Variants in NCOR2 observed in about 807,000 individuals in gnomAD.
The protein encoded by NCOR2 is CTG repeat protein 26.
In NCOR2, 81 loss-of-function variants were observed where a neutral mutation model predicts 262.9. That is an observed-to-expected ratio of 0.31 (90% CI 0.26 to 0.37). NCOR2 has a LOEUF of 0.37. NCOR2 is among the 10% of genes least tolerant of loss of function. The pLI, the probability that NCOR2 is intolerant of heterozygous loss-of-function variation, is 1.00. For synonymous variants in NCOR2, 1,659 were observed against 1,559.3 expected (o/e 1.06, Z -1.51); for missense variants, 3,385 against 3,621.4 (o/e 0.93, Z 1.68).
intron 24 of NCOR2, 102 bp downstream of exon 26, chr12:124,355,330 G>T: frequency 7.0e-7 from 1 of 1,418,502 alleles, no homozygotes; most frequent in Non-Finnish European, 9.6e-7. Flanking sequence ...GATGACCCAG[G>T]CCCCCGAGAG....
At chr12:124,462,600 C>G (rs142315315) in intron 5 of NCOR2, among the ~76,000 whole-genome samples, 176 of 152,290 alleles carry the variant, frequency 1.2e-3, no homozygotes, top group Non-Finnish European at 2.2e-3. Context: ...TTTTGATGAC[C>G]AGGTGGCCGG....
At chr12:124,377,208 C>T (rs563130500) in intron 18 of NCOR2, among the ~76,000 whole-genome samples, 4 of 152,262 alleles carry the variant, frequency 2.6e-5, no homozygotes, top group South Asian at 2.1e-4. Flanking sequence ...TGAGGGGACT[C>T]GGGGGGACCC....
chr12:124,395,149 A>G (rs147454848), intron 16 of NCOR2, among the ~76,000 whole-genome samples: 1 of 152,276 alleles, frequency 6.6e-6, no homozygotes, highest in African/African-American at 2.4e-5. Context: ...GTGAGGCACT[A>G]TGTTGCTGAA....
chr12:124,552,331 C>A (rs2051738808), intron 1 of NCOR2, among the ~76,000 whole-genome samples: 1 of 151,956 alleles, frequency 6.6e-6, no homozygotes. Flanking sequence ...AAAAAAAAAC[C>A]ACTAAAGAAG....
rs1555297251 is a variant in NCOR2, at chr12:124,325,383, C to CCCCG, written c.*18_*19insCGGG. ...CTCGCTGGGACCTGACACCGCCCCC[C>CCCCG]CCCCCGCCCTGTTCTGAGTCACTCG... On this transcript the variant is annotated 3_prime_UTR_variant, in exon 47 of 47. Coordinates refer to ENST00000405201, the Ensembl canonical transcript of NCOR2. 6.6e-5 allele frequency: 29 copies of CCCCG among 439,940 alleles called. 2 individuals carry two copies. The highest frequency in any genetic ancestry group is 5.5e-4 in the Admixed American group (9 of 16,392). The allele number at this position is 439,940 out of a possible 1,614,324, so 27.3% of individuals were successfully genotyped here. A position where few individuals can be genotyped will look rare whatever the true frequency, so the allele number is the denominator to read the frequency against.
intron 18 of NCOR2, among the ~76,000 whole-genome samples, chr12:124,377,682 T>TA (rs2040111104): frequency 6.6e-6 from 1 of 151,576 alleles, no homozygotes; most frequent in Admixed American, 6.6e-5. Context: ...CTGCTAAAAA[T>TA]ACAAAAATTA....
At chr12:124,353,138 C>T (rs1464670546) in intron 27 of NCOR2, among the ~76,000 whole-genome samples, 3 of 152,260 alleles carry the variant, frequency 2.0e-5, no homozygotes, top group East Asian at 1.9e-4. Context: ...AGGAAGGGCG[C>T]GGGTCATGGC....
rs369819521 is a variant in NCOR2 at position 124,372,168 on chromosome 12, G to A, written c.2661C>T (p.Ala887=). 502 of 1,601,266 alleles carry A rather than the reference G, an allele frequency of 3.1e-4. 1 individual carries two copies. Among genetic ancestry groups the A allele is most frequent in the Non-Finnish European group, 4.1e-4 (483 of 1,179,658 alleles). Residue 887 remains alanine (A), a synonymous_variant, in exon 20 of 47, where the codon GCC becomes GCT. Transcript: ENST00000405201. The stretch of plus-strand genomic sequence containing the variant: ...TCTTCTCTGCCTTGAGCGCCCCCTC[G>A]GCCGTGGCCTCAGCGGCCTCCGCGT...
intron 25 of NCOR2, 54 bp from the exon 28 acceptor site, chr12:124,354,636 G>T: frequency 6.9e-7 from 1 of 1,445,344 alleles, no homozygotes. Flanking sequence ...GGTCCCGGGA[G>T]GCTTGTCCCC....
intron 16 of NCOR2, among the ~76,000 whole-genome samples, chr12:124,396,014 G>C (rs2041631978): frequency 6.6e-6 from 1 of 152,184 alleles, no homozygotes; most frequent in South Asian, 2.1e-4. Flanking sequence ...ATATTATTCA[G>C]CCGTACAAAG....
intron 4 of NCOR2, among the ~76,000 whole-genome samples, chr12:124,471,235 C>T (rs1248177790): frequency 6.6e-6 from 1 of 152,228 alleles, no homozygotes; most frequent in African/African-American, 2.4e-5. Context: ...GCTACCAGGG[C>T]ACCTCTTCCT....
At chr12:124,447,391 C>T (rs1450645010) in intron 7 of NCOR2, among the ~76,000 whole-genome samples, 4 of 152,216 alleles carry the variant, frequency 2.6e-5, no homozygotes, top group African/African-American at 9.6e-5. Context: ...TTTTATTCTA[C>T]TTACACAAAG....
intron 5 of NCOR2, among the ~76,000 whole-genome samples, chr12:124,458,002 G>A (rs941141983): frequency 1.3e-5 from 2 of 152,204 alleles, no homozygotes; most frequent in African/African-American, 4.8e-5. Context: ...AATTTGCGTG[G>A]GTTTGGGTGC....
chr12:124,388,915 G>A lies in NCOR2; in HGVS notation c.1877-3028C>T, dbSNP rs117944404. The A allele has an allele frequency of 1.0e-3, 986 of 984,348 alleles. 40 individuals carry two copies. In the East Asian group the frequency reaches 0.044, roughly 44 times the overall value. The allele number at this position is 984,348 out of a possible 1,614,324, so 61.0% of individuals were successfully genotyped here. A position where few individuals can be genotyped will look rare whatever the true frequency, so the allele number is the denominator to read the frequency against. On this transcript the variant is annotated intron_variant, in intron 16 of 46. Coordinates refer to ENST00000405201, the Ensembl canonical transcript of NCOR2. The stretch of plus-strand genomic sequence containing the variant: ...GAGGGAGCGAGGGAGGGAGGGACGC[G>A]GCGGGCGGAGGCTGGCTCGAGAGGG...
intron 12 of NCOR2, among the ~76,000 whole-genome samples, 153 bp downstream of exon 14, chr12:124,422,348 A>G (rs1167679081): frequency 2.0e-5 from 3 of 152,066 alleles, no homozygotes; most frequent in Non-Finnish European, 4.4e-5. Context: ...AGATGGAAGG[A>G]AGGGAGGGAG....
At position 124,416,335 on chromosome 12, in the gene NCOR2, G is replaced by A. The variant is rs568275129; in HGVS notation, c.1482+3622C>T. Among the ~76,000 whole-genome samples the A allele has an allele frequency of 6.7e-4, 102 of 152,298 alleles. No individual in the cohort carries two copies. In the South Asian group the frequency reaches 0.019, roughly 28 times the overall value. On this transcript the variant is annotated intron_variant, in intron 13 of 46. Transcript: ENST00000405201. ...CCCTGGGAGGTACCGGGACCCCCAC[G>A]AATCCAAAGACTCAGGCCCCCTGCT...
At position 124,505,366 on chromosome 12, in the gene NCOR2, G is replaced by A. The variant is rs1593875602; in HGVS notation, c.-117-9998C>T. Among the ~76,000 whole-genome samples, 3 of 152,206 alleles carry A rather than the reference G, an allele frequency of 2.0e-5. No homozygotes were observed. In the South Asian group the frequency reaches 6.2e-4, roughly 32 times the overall value. On this transcript the variant is annotated intron_variant, in intron 1 of 46. Transcript: ENST00000404621. ...CCTGTGCCACAGCCACCTGTTTACC[G>A]CTGTCTCCCCCACCAGGCAGGGCTC...
rs932128009 is a variant in NCOR2, at chr12:124,454,592, G to A, written c.762+2514C>T. On this transcript the variant is annotated intron_variant, in intron 6 of 46. Coordinates refer to ENST00000405201, the Ensembl canonical transcript of NCOR2. This position sits in a 1 kb window ranked among gnomAD's most constrained non-coding sequence, Gnocchi z 5.6. ...CGGGGACCAATCAGGAAACGGGAGC[G>A]GGAGGACCCGGAAATCTGGAAATGC... 3.9e-5 allele frequency among the ~76,000 whole-genome samples: 6 copies of A among 152,154 alleles called. No homozygotes were observed. Among genetic ancestry groups the A allele is most frequent in the East Asian group, 3.9e-4 (2 of 5,182 alleles).
At chr12:124,438,417 G>A (rs1288316062) in intron 7 of NCOR2, among the ~76,000 whole-genome samples, 1 of 152,074 alleles carries the variant, frequency 6.6e-6, no homozygotes, top group African/African-American at 2.4e-5. Context: ...TCAGAGTGTG[G>A]CCTGTGTGGC....
Sources: gnomAD v4.1 joint callset for allele counts (sites outside exome capture counted in the v4.1 genomes callset) on GRCh38, gnomAD v4.1.1 for gene constraint, Gnocchi (gnomAD v3.1) non-coding constraint, MANE v1.5 for transcripts, NCBI Gene and HGNC (gene_info 2026-07-23, HGNC 2026-07-21) for gene names.